Variants in PLEKHA5 observed in about 807,000 individuals in gnomAD.
PLEKHA5 encodes pleckstrin homology domain containing A5.
PLEKHA5 carries 55 observed loss-of-function variants against 181.9 expected under a neutral mutation model. That is an observed-to-expected ratio of 0.30 (90% CI 0.24 to 0.38). The LOEUF is 0.38. PLEKHA5 is among the 10% of genes least tolerant of loss of function. PLEKHA5 has a pLI of 1.00. For synonymous variants in PLEKHA5, 535 were observed against 529.4 expected (o/e 1.01, Z -0.15); for missense variants, 1,432 against 1,549.5 (o/e 0.92, Z 1.27).
intron 7 of PLEKHA5, among the ~76,000 whole-genome samples, chr12:19,263,560 G>C (rs1448986614): frequency 1.3e-5 from 2 of 152,168 alleles, no homozygotes; most frequent in African/African-American, 4.8e-5. Flanking sequence ...ATCAGTCCAT[G>C]TTTTACAGAT....
At chr12:19,144,371 C>G (rs2038306819) in intron 3 of PLEKHA5, among the ~76,000 whole-genome samples, 1 of 152,210 alleles carries the variant, frequency 6.6e-6, no homozygotes, top group African/African-American at 2.4e-5. Context: ...ACACCAGCGT[C>G]TCTCCTCGTG....
intron 3 of PLEKHA5, among the ~76,000 whole-genome samples, chr12:19,138,441 C>T (rs985683980): frequency 7.9e-5 from 12 of 151,818 alleles, no homozygotes; most frequent in Admixed American, 2.0e-4. Context: ...GGTGTGGTGG[C>T]GGGCTCCTGT....
intron 3 of PLEKHA5, among the ~76,000 whole-genome samples, chr12:19,233,822 TCACCTATA>T (rs975638823): frequency 1.3e-5 from 2 of 152,214 alleles, no homozygotes; most frequent in Non-Finnish European, 2.9e-5. Flanking sequence ...GCATTGTTCT[TCACCTATA>T]GTATAGAGAT....
chr12:19,271,862 C>T (rs1022820945), intron 10 of PLEKHA5, among the ~76,000 whole-genome samples: 9 of 152,108 alleles, frequency 5.9e-5, no homozygotes, highest in East Asian at 3.8e-4. Flanking sequence ...GCTTAGAGTC[C>T]GTTATCCTGT....
At chr12:19,248,434 G>C (rs1348805693) in intron 3 of PLEKHA5, among the ~76,000 whole-genome samples, 1 of 152,132 alleles carries the variant, frequency 6.6e-6, no homozygotes, top group Non-Finnish European at 1.5e-5. Context: ...CCGGCCTCAA[G>C]TGATCCACCC....
intron 3 of PLEKHA5, among the ~76,000 whole-genome samples, chr12:19,145,597 A>G (rs1171651579): frequency 6.6e-6 from 1 of 152,152 alleles, no homozygotes; most frequent in African/African-American, 2.4e-5. Context: ...AAAGGTCAAT[A>G]TCGTTCTTTC....
intron 20 of PLEKHA5, among the ~76,000 whole-genome samples, chr12:19,333,735 A>C (rs562117956): frequency 6.6e-6 from 1 of 151,510 alleles, no homozygotes; most frequent in East Asian, 2.0e-4. Flanking sequence ...CGGCCTCCCA[A>C]GTAGCTGGGA....
chr12:19,252,545 CCTAAT>C (rs1199600519), intron 3 of PLEKHA5, among the ~76,000 whole-genome samples: 5 of 152,076 alleles, frequency 3.3e-5, no homozygotes, highest in Non-Finnish European at 7.4e-5. Flanking sequence ...CAGTTGAAGA[CCTAAT>C]CTTATCATTC....
At chr12:19,368,754 G>A (rs564660040) in intron 30 of PLEKHA5, among the ~76,000 whole-genome samples, 105 of 152,210 alleles carry the variant, frequency 6.9e-4, no homozygotes, top group African/African-American at 2.5e-3. Context: ...TCACGCCACT[G>A]CACTCCAGCC....
At chr12:19,362,791 TA>T (rs1052175724) in intron 29 of PLEKHA5, among the ~76,000 whole-genome samples, 90 of 145,050 alleles carry the variant, frequency 6.2e-4, no homozygotes, top group Middle Eastern at 3.5e-3. Context: ...ATAAATACCT[TA>T]AAAAAAAAAA....
chr12:19,374,484 C>T (rs956784321), intron 31 of PLEKHA5, among the ~76,000 whole-genome samples: 19 of 149,356 alleles, frequency 1.3e-4, no homozygotes, highest in African/African-American at 4.7e-4. Flanking sequence ...ATGGTTGAAA[C>T]TCCGTCTCTA....
At chr12:19,136,370 A>G (rs939716286) in intron 3 of PLEKHA5, among the ~76,000 whole-genome samples, 1 of 152,174 alleles carries the variant, frequency 6.6e-6, no homozygotes, top group African/African-American at 2.4e-5. Context: ...TGTTATCTTT[A>G]TGAAGAATGC....
At chr12:19,344,606 G>A (rs560726641) in intron 22 of PLEKHA5, among the ~76,000 whole-genome samples, 5 of 152,196 alleles carry the variant, frequency 3.3e-5, no homozygotes, top group East Asian at 1.9e-4. Flanking sequence ...ATTTTAAAAG[G>A]TGAGAAATAA....
At chr12:19,308,703 G>A (rs1243939878) in intron 15 of PLEKHA5, among the ~76,000 whole-genome samples, 4 of 152,064 alleles carry the variant, frequency 2.6e-5, no homozygotes, top group African/African-American at 4.8e-5. Context: ...TTATGGTCTT[G>A]TTTGTTGACA....
intron 3 of PLEKHA5, chr12:19,202,067 C>G: frequency 1.2e-6 from 1 of 843,430 alleles, no homozygotes. Context: ...ACTCCCCACT[C>G]TTCCCCTACC....
chr12:19,174,454 T>G (rs2046709972), intron 3 of PLEKHA5, among the ~76,000 whole-genome samples: 1 of 152,240 alleles, frequency 6.6e-6, no homozygotes, highest in South Asian at 2.1e-4. Flanking sequence ...GTTTTATTTT[T>G]AACATATACT....
chr12:19,266,089 A>T (rs964877857), intron 8 of PLEKHA5, among the ~76,000 whole-genome samples: 1 of 152,172 alleles, frequency 6.6e-6, no homozygotes. Context: ...AGATAAAATG[A>T]ACATGTCAGA....
At chr12:19,137,678 G>A (rs2036055226) in intron 3 of PLEKHA5, among the ~76,000 whole-genome samples, 1 of 152,140 alleles carries the variant, frequency 6.6e-6, no homozygotes, top group Admixed American at 6.5e-5. Flanking sequence ...TGTTGTTGTT[G>A]TCTCTTTCGT....
At chr12:19,331,607 T>C (rs1451871411) in intron 20 of PLEKHA5, among the ~76,000 whole-genome samples, 2 of 152,204 alleles carry the variant, frequency 1.3e-5, no homozygotes, top group African/African-American at 4.8e-5. Flanking sequence ...TGGAATTTCA[T>C]TACATTCCTG....
Sources: gnomAD v4.1 joint callset for allele counts (sites outside exome capture counted in the v4.1 genomes callset) on GRCh38, gnomAD v4.1.1 for gene constraint, MANE v1.5 for transcripts, NCBI Gene and HGNC (gene_info 2026-07-23, HGNC 2026-07-21) for gene names.